The following PKD2L2 variants were observed in gnomAD, a reference collection of about 807,000 sequenced individuals.
The protein encoded by PKD2L2 is polycystin 2 like 2, transient receptor potential cation channel.
A neutral mutation model predicts 83.9 loss-of-function variants in PKD2L2; 67 were observed. That is an observed-to-expected ratio of 0.80 (90% CI 0.66 to 0.98). The LOEUF (loss-of-function observed/expected upper bound fraction) is 0.98. PKD2L2 is among the 50% of genes least tolerant of loss of function. The probability of loss-of-function intolerance (pLI) is 0.00; values close to 1 mark genes in which losing one functional copy is unlikely to be tolerated. For missense variants in PKD2L2, 632 were observed against 717.2 expected (o/e 0.88, Z 1.36); for synonymous variants, 223 against 237.8 (o/e 0.94, Z 0.57).
chr5:137,915,019 C>T (rs1483285564), intron 8 of PKD2L2, among the ~76,000 whole-genome samples: 1 of 152,084 alleles, frequency 6.6e-6, no homozygotes, highest in African/African-American at 2.4e-5. Context: ...TTCAATTTGA[C>T]TTGCTAGTAT....
At chr5:137,916,715 T>C (rs1407030785) in intron 8 of PKD2L2, among the ~76,000 whole-genome samples, 3 of 151,962 alleles carry the variant, frequency 2.0e-5, no homozygotes, top group Non-Finnish European at 4.4e-5. Context: ...CCTAACCCTG[T>C]GATCCACCAC....
chr5:137,935,777 C>A lies in PKD2L2; in HGVS notation c.1672-20C>A. On this transcript the variant is annotated intron_variant, in intron 12 of 14. Transcript: ENST00000508883. ...AGAGAACTAAAGATTGCAGCCTTTA[C>A]TTGTCCTCTACCCTGACAGGAGATT... 1.1e-5 allele frequency: 15 copies of A among 1,327,702 alleles called. No homozygotes were observed. Among genetic ancestry groups the A allele is most frequent in the Non-Finnish European group, 1.6e-5 (15 of 925,014 alleles). The allele number at this position is 1,327,702 out of a possible 1,614,324, so 82.2% of individuals were successfully genotyped here.
At chr5:137,899,478 C>A (rs1458244718) in intron 4 of PKD2L2, 38 bp from the exon 5 acceptor site, 2 of 1,303,196 alleles carry the variant, frequency 1.5e-6, no homozygotes, top group Admixed American at 1.8e-5. Context: ...CTCAGTTGGG[C>A]TTTGTCATTT....
At chr5:137,925,834 A>T (rs1211769620) in intron 11 of PKD2L2, 41 bp from the exon 12 acceptor site, 2 of 1,298,500 alleles carry the variant, frequency 1.5e-6, no homozygotes, top group Admixed American at 3.6e-5. Context: ...TTCCTTTCTT[A>T]TTGTCATTTG....
Position 137,894,500 on chromosome 5 carries a change from A to G in PKD2L2, c.415A>G (p.Asn139Asp), listed in dbSNP as rs756220960. Residue 139 changes from asparagine to aspartate, a missense_variant, in exon 4 of 15, where the codon AAC (asparagine) becomes GAC (aspartate). Transcript: ENST00000508883. ...AGTTCGTCAACTAAAAGTCCGCAAC[A>G]ACACATGCAAAGTCTATTCATCTTT... ...PRVRQLKVRN[N>D]TCKVYSSFQS... 1 of 1,614,014 alleles carries G rather than the reference A, an allele frequency of 6.2e-7. No individual in the cohort carries two copies. The highest frequency in any genetic ancestry group is 1.1e-5 in the South Asian group (1 of 91,084).
intron 12 of PKD2L2, among the ~76,000 whole-genome samples, chr5:137,932,399 C>T (rs1759948810): frequency 6.6e-6 from 1 of 151,456 alleles, no homozygotes; most frequent in African/African-American, 2.4e-5. Context: ...AAACGTACTA[C>T]ATCTAACAAT....
In PKD2L2 at chr5:137,906,243, A is replaced by G. The variant is rs1186301284; in HGVS notation, c.784A>G (p.Thr262Ala). 6.2e-7 allele frequency: 1 copy of G among 1,611,308 alleles called. No homozygotes were observed. Residue 262 changes from threonine (T) to alanine (A), a missense_variant, in exon 6 of 15, where the codon ACT (threonine) becomes GCT (alanine). Physicochemically the swap from Thr to Ala is moderately conservative, Grantham distance 58 (BLOSUM62 0). Around this residue, in one of 3 missense-constraint regions of PKD2L2, gnomAD observed 399 missense variants for 416.9 expected, o/e 0.96. Coordinates refer to ENST00000508883, the MANE Select transcript of PKD2L2 (RefSeq NM_001300921.2). ...ATTCCCTGCAACTGGAGGAATACTT[A>G]CTTCATGGCAGTTTTACTCTGTGAA... is the stretch of plus-strand genomic sequence containing the variant. ...AEFPATGGIL[T>A]SWQFYSVKLL...
intron 10 of PKD2L2, 108 bp from the exon 11 acceptor site, chr5:137,924,932 G>A: frequency 2.9e-6 from 2 of 701,576 alleles, no homozygotes; most frequent in African/African-American, 1.8e-5. Flanking sequence ...GTCCTTTAGG[G>A]TAGCAATCCA....
intron 9 of PKD2L2, among the ~76,000 whole-genome samples, chr5:137,923,071 G>A (rs1174213306): frequency 2.0e-5 from 3 of 148,748 alleles, no homozygotes; most frequent in Admixed American, 2.0e-4. Context: ...GAGTGCAGTG[G>A]TGCGATCTCA....
At chr5:137,916,710 C>A (rs1252177167) in intron 8 of PKD2L2, among the ~76,000 whole-genome samples, 1 of 151,894 alleles carries the variant, frequency 6.6e-6, no homozygotes, top group Non-Finnish European at 1.5e-5. Context: ...GAATTCCTAA[C>A]CCTGTGATCC....
chr5:137,935,312 G>C (rs1760236409), intron 12 of PKD2L2, among the ~76,000 whole-genome samples: 1 of 152,168 alleles, frequency 6.6e-6, no homozygotes, highest in African/African-American at 2.4e-5. Flanking sequence ...TGGATACGTA[G>C]ACAGACTGGA....
chr5:137,905,216 G>A (rs1287123046), intron 5 of PKD2L2, among the ~76,000 whole-genome samples: 1 of 152,186 alleles, frequency 6.6e-6, no homozygotes, highest in Non-Finnish European at 1.5e-5. Context: ...AGAAACTTCA[G>A]CAGACTTTGA....
chr5:137,924,807 C>G (rs77398864), intron 10 of PKD2L2, among the ~76,000 whole-genome samples: 2,836 of 152,138 alleles, frequency 0.019, 36 homozygotes, highest in Admixed American at 0.037. Context: ...TTGCTTTTTC[C>G]AAGTTCCAGA....
At chr5:137,889,684 C>G (rs1755769971) in intron 1 of PKD2L2, among the ~76,000 whole-genome samples, 162 bp downstream of exon 1, 1 of 152,234 alleles carries the variant, frequency 6.6e-6, no homozygotes, top group South Asian at 2.1e-4. Context: ...CAGATGGTCC[C>G]ATTGCACAGA....
chr5:137,906,546 C>T (rs1757381705), intron 6 of PKD2L2, 112 bp downstream of exon 6: 2 of 583,610 alleles, frequency 3.4e-6, no homozygotes, highest in Non-Finnish European at 3.0e-6. Flanking sequence ...TTGAAAGCTA[C>T]AAGTATCAAA....
At chr5:137,932,233 A>C (rs974885162) in intron 12 of PKD2L2, among the ~76,000 whole-genome samples, 24 of 152,086 alleles carry the variant, frequency 1.6e-4, no homozygotes, top group Non-Finnish European at 3.5e-4. Context: ...CTGTAATCCC[A>C]GCTACTTGGG....
chr5:137,919,303 C>G (rs1758677424), intron 8 of PKD2L2, among the ~76,000 whole-genome samples: 1 of 152,152 alleles, frequency 6.6e-6, no homozygotes, highest in Admixed American at 6.5e-5. Flanking sequence ...AATGGATAAA[C>G]TAAGCTCTAA....
intron 12 of PKD2L2, among the ~76,000 whole-genome samples, chr5:137,929,461 CAAA>C (rs768962600): frequency 8.6e-5 from 3 of 34,938 alleles, no homozygotes; most frequent in Non-Finnish European, 1.1e-4. Flanking sequence ...AACTCCATCT[CAAA>C]AAAAAAAAAA....
rs67036547 is a variant in PKD2L2 at position 137,918,944 on chromosome 5, A to ATGTG, written c.1329-2671_1329-2668dup. Among the ~76,000 whole-genome samples the ATGTG allele has an allele frequency of 1.5e-3, 223 of 146,320 alleles. 2 individuals carry two copies. In the East Asian group the frequency reaches 0.018, roughly 12 times the overall value. Reference sequence around the variant, plus strand: ...AGAGGCAAGGTCCAGGGCCTGCACAATGTGTGTGTGTGTGTGTGTGTGTGA... The same window carrying ATGTG: ...AGAGGCAAGGTCCAGGGCCTGCACAATGTGTGTGTGTGTGTGTGTGTGTGTGTGA... On this transcript the variant is annotated intron_variant, in intron 8 of 14. Transcript: ENST00000508883.
Sources: gnomAD v4.1 joint callset for allele counts (sites outside exome capture counted in the v4.1 genomes callset) on GRCh38, gnomAD v4.1.1 for gene constraint, gnomAD v4.1.1 regional missense constraint, MANE v1.5 for transcripts, NCBI Gene and HGNC (gene_info 2026-07-23, HGNC 2026-07-21) for gene names.